Variants in PDGFRL observed in about 807,000 individuals in gnomAD.
The protein encoded by PDGFRL is platelet derived growth factor receptor like.
A neutral mutation model predicts 37.2 loss-of-function variants in PDGFRL; 46 were observed. The ratio of observed to expected loss-of-function variants is 1.24; its 90% CI spans 0.98 to 1.58. The LOEUF is 1.58. Among genes scored for constraint, PDGFRL ranks in the 40% most tolerant of loss-of-function variants. The probability of loss-of-function intolerance (pLI) is 0.00; values close to 1 mark genes in which losing one functional copy is unlikely to be tolerated. For missense variants in PDGFRL, 692 were observed against 467.6 expected, an observed-to-expected ratio of 1.48 and a Z score of -4.43; for synonymous variants, 251 against 184.3, an observed-to-expected ratio of 1.36 and a Z score of -2.93.
intron 3 of PDGFRL, among the ~76,000 whole-genome samples, chr8:17,621,540 CA>C (rs1294964912): frequency 6.6e-6 from 1 of 151,916 alleles, no homozygotes; most frequent in Non-Finnish European, 1.5e-5. Flanking sequence ...CTGCACTCCC[CA>C]ATACGGTGAC....
chr8:17,592,843 G>A (rs887414132), intron 2 of PDGFRL, among the ~76,000 whole-genome samples: 6 of 152,028 alleles, frequency 3.9e-5, no homozygotes, highest in East Asian at 1.9e-4. Flanking sequence ...AGTGGTTGGC[G>A]GTTAGCTTTC....
intron 5 of PDGFRL, among the ~76,000 whole-genome samples, chr8:17,634,691 C>T (rs1804933911): frequency 6.6e-6 from 1 of 152,056 alleles, no homozygotes; most frequent in South Asian, 2.1e-4. Flanking sequence ...AGCTGGAGGC[C>T]ATTATCCTTA....
In PDGFRL at chr8:17,628,486, G is replaced by C; in HGVS notation, c.506-1G>C. 2 of 1,611,548 alleles carry C rather than the reference G, an allele frequency of 1.2e-6. No individual in the cohort carries two copies. The highest frequency in any genetic ancestry group is 1.7e-6 in the Non-Finnish European group (2 of 1,177,666). ...AGCCTGTGTCTTCCTTCCCTTTGCA[G>C]AGAAAGGAGAACTCTTTGTACCTTC... On this transcript the variant is annotated splice_acceptor_variant, in intron 3 of 5. Transcript: ENST00000251630. LOFTEE classifies it high-confidence loss of function.
intron 2 of PDGFRL, among the ~76,000 whole-genome samples, chr8:17,601,994 T>C (rs1012864036): frequency 8.5e-5 from 13 of 152,186 alleles, no homozygotes; most frequent in African/African-American, 3.1e-4. Flanking sequence ...GGTAATGGGA[T>C]TGCTGGCCCA....
intron 2 of PDGFRL, among the ~76,000 whole-genome samples, chr8:17,597,397 G>A (rs540458027): frequency 1.3e-5 from 2 of 152,314 alleles, no homozygotes; most frequent in East Asian, 1.9e-4. Flanking sequence ...TCTTCTGACT[G>A]CTTCATCTTT....
chr8:17,595,129 C>G (rs1348294573), intron 2 of PDGFRL, among the ~76,000 whole-genome samples: 2 of 152,114 alleles, frequency 1.3e-5, no homozygotes, highest in African/African-American at 4.8e-5. Context: ...TGGGCCAGCT[C>G]TGGATGGAGG....
At chr8:17,610,484 C>T (rs763302609) in intron 2 of PDGFRL, among the ~76,000 whole-genome samples, 1 of 152,162 alleles carries the variant, frequency 6.6e-6, no homozygotes, top group Non-Finnish European at 1.5e-5. Flanking sequence ...ACTCCAAAAT[C>T]TGAGAAAAAT....
chr8:17,600,812 AAAC>A (rs1317413098), intron 2 of PDGFRL, among the ~76,000 whole-genome samples: 5 of 139,386 alleles, frequency 3.6e-5, no homozygotes, highest in South Asian at 2.2e-4. Flanking sequence ...TAAAAAAAAA[AAAC>A]AAAAAAACCT....
intron 1 of PDGFRL, among the ~76,000 whole-genome samples, 162 bp downstream of exon 1, chr8:17,577,469 G>T (rs1357274913): frequency 6.6e-6 from 1 of 151,954 alleles, no homozygotes; most frequent in Non-Finnish European, 1.5e-5. Flanking sequence ...CTCCTGGTGG[G>T]GTCTCCTTTC....
At chr8:17,634,239 C>G in intron 5 of PDGFRL, 26 bp downstream of exon 5, 1 of 1,575,496 alleles carries the variant, frequency 6.3e-7, no homozygotes, top group Non-Finnish European at 8.7e-7. Flanking sequence ...GCATCTCAGC[C>G]CCTGCGTCTC....
Position 17,616,870 on chromosome 8 carries a change from C to A in PDGFRL, c.354-4181C>A, listed in dbSNP as rs116531833. 2.9e-3 allele frequency among the ~76,000 whole-genome samples: 439 copies of A among 152,268 alleles called. 2 individuals carry two copies. The highest frequency in any genetic ancestry group is 0.01 in the African/African-American group (422 of 41,552). Reference sequence around the variant, plus strand: ...TCTTGTAACCCAAGGCTCACCCTTGCCCTTGGCTTGCAGAGTCTTCACCGG... The same window carrying A: ...TCTTGTAACCCAAGGCTCACCCTTGACCTTGGCTTGCAGAGTCTTCACCGG... On this transcript the variant is annotated intron_variant, in intron 2 of 5. Coordinates refer to ENST00000251630, the MANE Select transcript of PDGFRL (RefSeq NM_001372073.1).
intron 2 of PDGFRL, 36 bp downstream of exon 2, chr8:17,589,801 G>T: frequency 7.8e-7 from 1 of 1,279,758 alleles, no homozygotes; most frequent in Non-Finnish European, 1.1e-6. Context: ...TAGGGTTGAG[G>T]ATTTGTAATA....
chr8:17,640,700 G>T (rs989829441), intron 5 of PDGFRL, among the ~76,000 whole-genome samples: 2 of 152,134 alleles, frequency 1.3e-5, no homozygotes, highest in Admixed American at 6.5e-5. Flanking sequence ...GATGAACTCT[G>T]TGAGGGTCCT....
At chr8:17,580,285 C>A (rs1432636136) in intron 1 of PDGFRL, among the ~76,000 whole-genome samples, 1 of 151,850 alleles carries the variant, frequency 6.6e-6, no homozygotes, top group Non-Finnish European at 1.5e-5. Flanking sequence ...ATTCTCTAAC[C>A]AAGAGCCTTT....
At chr8:17,640,257 CCTT>C (rs1805063784) in intron 5 of PDGFRL, among the ~76,000 whole-genome samples, 1 of 152,112 alleles carries the variant, frequency 6.6e-6, no homozygotes, top group Non-Finnish European at 1.5e-5. Flanking sequence ...TAATAACTGA[CCTT>C]CTGAATTCTT....
intron 5 of PDGFRL, among the ~76,000 whole-genome samples, chr8:17,640,428 G>T (rs924360352): frequency 6.6e-6 from 1 of 152,110 alleles, no homozygotes; most frequent in Non-Finnish European, 1.5e-5. Flanking sequence ...GAAGATCTGG[G>T]GCTCAAGGGC....
chr8:17,592,758 C>G (rs1383338855), intron 2 of PDGFRL, among the ~76,000 whole-genome samples: 1 of 152,202 alleles, frequency 6.6e-6, no homozygotes, highest in African/African-American at 2.4e-5. Flanking sequence ...GCTGTTTCCT[C>G]TTCCCAGCTC....
chr8:17,611,660 G>T (rs1245648509), intron 2 of PDGFRL, among the ~76,000 whole-genome samples: 2 of 152,178 alleles, frequency 1.3e-5, no homozygotes, highest in Non-Finnish European at 2.9e-5. Context: ...CTTAAGGGCT[G>T]GGAGAGCAAA....
intron 5 of PDGFRL, among the ~76,000 whole-genome samples, chr8:17,640,582 C>T (rs548344250): frequency 1.3e-5 from 2 of 152,108 alleles, no homozygotes; most frequent in Non-Finnish European, 2.9e-5. Flanking sequence ...AGTTACTGGG[C>T]TCTGGGCTGG....
Sources: allele counts gnomAD v4.1 joint callset (sites outside exome capture counted in the v4.1 genomes callset), GRCh38; gene constraint gnomAD v4.1.1; transcripts MANE v1.5; gene names NCBI Gene and HGNC (gene_info 2026-07-23, HGNC 2026-07-21).